LRRC8D: variants seen among roughly 807,000 people sequenced by gnomAD.
The protein encoded by LRRC8D is volume-regulated anion channel subunit LRRC8D.
In LRRC8D, 20 loss-of-function variants were observed where a neutral mutation model predicts 55.8. The observed-to-expected ratio is 0.36, with a 90% CI of 0.25 to 0.52. The LOEUF is 0.52. LRRC8D is among the 20% of genes least tolerant of loss of function. The pLI is 0.93. For missense variants in LRRC8D, 651 were observed against 1,030.8 expected, an observed-to-expected ratio of 0.63 and a Z score of 5.05; for synonymous variants, 352 against 377.0, an observed-to-expected ratio of 0.93 and a Z score of 0.77.
At chr1:89,868,360 G>C (rs1018273030) in intron 2 of LRRC8D, among the ~76,000 whole-genome samples, 1 of 152,078 alleles carries the variant, frequency 6.6e-6, no homozygotes, top group Non-Finnish European at 1.5e-5. Flanking sequence ...TGCGCAAACC[G>C]TCCCTGGGTT....
intron 1 of LRRC8D, among the ~76,000 whole-genome samples, chr1:89,838,214 G>T (rs1261252087): frequency 6.6e-6 from 1 of 151,360 alleles, no homozygotes; most frequent in African/African-American, 2.4e-5. Context: ...AAAAAAAGGG[G>T]GGAAAAAAGA....
chr1:89,847,821 T>C (rs1222895166), intron 2 of LRRC8D, among the ~76,000 whole-genome samples: 1 of 152,248 alleles, frequency 6.6e-6, no homozygotes, highest in Non-Finnish European at 1.5e-5. Flanking sequence ...TCATGAGAGT[T>C]ATTTAATATC....
intron 2 of LRRC8D, among the ~76,000 whole-genome samples, chr1:89,863,730 C>T (rs1661776727): frequency 6.6e-6 from 1 of 152,184 alleles, no homozygotes; most frequent in Non-Finnish European, 1.5e-5. Flanking sequence ...AAGCCTTGGT[C>T]TTTCATGTAT....
chr1:89,847,381 A>G (rs1349064649), intron 2 of LRRC8D, among the ~76,000 whole-genome samples: 1 of 152,182 alleles, frequency 6.6e-6, no homozygotes, highest in Non-Finnish European at 1.5e-5. Context: ...AGCAAAAGAG[A>G]GGAAATGAGA....
chr1:89,867,092 T>C (rs901101445), intron 2 of LRRC8D, among the ~76,000 whole-genome samples: 2 of 152,192 alleles, frequency 1.3e-5, no homozygotes, highest in Non-Finnish European at 2.9e-5. Flanking sequence ...TTTAGAATCA[T>C]GTGACCATTA....
At position 89,935,427 on chromosome 1, in the gene LRRC8D, A is replaced by C; in HGVS notation, c.2359A>C (p.Ile787Leu). ...LRTLNLGQNC[I>L]TSLPEKVGQL... The stretch of plus-strand genomic sequence containing the variant: ...GACTTTGAATCTGGGACAGAACTGC[A>C]TCACCTCACTCCCAGAGAAAGTTGG... The change falls in exon 3 of 3, where the codon ATC becomes CTC. Residue 787 changes from isoleucine to leucine, a missense_variant. Transcript: ENST00000337338. 1.2e-6 allele frequency: 2 copies of C among 1,614,244 alleles called. No individual in the cohort carries two copies. Among genetic ancestry groups the C allele is most frequent in the South Asian group, 1.1e-5 (1 of 91,092 alleles).
chr1:89,871,374 AAC>A (rs1156937167), intron 2 of LRRC8D, among the ~76,000 whole-genome samples: 12 of 152,300 alleles, frequency 7.9e-5, no homozygotes, highest in Admixed American at 2.0e-4. Context: ...ATTAATTGAA[AAC>A]ACACACAAGC....
chr1:89,898,497 T>C (rs193083719), intron 2 of LRRC8D, among the ~76,000 whole-genome samples: 1 of 152,194 alleles, frequency 6.6e-6, no homozygotes, highest in Non-Finnish European at 1.5e-5. Context: ...GTGGATCACA[T>C]AGCTAGTAAA....
intron 2 of LRRC8D, among the ~76,000 whole-genome samples, chr1:89,876,385 T>C (rs1251577260): frequency 6.6e-6 from 1 of 152,150 alleles, no homozygotes; most frequent in Admixed American, 6.5e-5. Context: ...TAAATCAGGC[T>C]TTGCAGATGG....
chr1:89,857,543 G>A (rs955548639), intron 2 of LRRC8D, among the ~76,000 whole-genome samples: 2 of 152,046 alleles, frequency 1.3e-5, no homozygotes, highest in Non-Finnish European at 2.9e-5. Flanking sequence ...GAAAGAAAGA[G>A]GTAAATCACA....
intron 1 of LRRC8D, among the ~76,000 whole-genome samples, chr1:89,840,508 C>T (rs1661108111): frequency 1.3e-5 from 2 of 152,202 alleles, no homozygotes; most frequent in African/African-American, 2.4e-5. Context: ...CCTTCCCCCA[C>T]AGCTGGCCAC....
chr1:89,883,490 G>A (rs1662335309), intron 2 of LRRC8D, among the ~76,000 whole-genome samples: 1 of 152,174 alleles, frequency 6.6e-6, no homozygotes, highest in African/African-American at 2.4e-5. Flanking sequence ...AAGGGAGGAG[G>A]AGATGAACAG....
At chr1:89,898,697 C>G (rs1662775367) in intron 2 of LRRC8D, among the ~76,000 whole-genome samples, 1 of 152,212 alleles carries the variant, frequency 6.6e-6, no homozygotes, top group Non-Finnish European at 1.5e-5. Context: ...GTACCTTAAA[C>G]ACAGATACAC....
At chr1:89,888,295 G>A (rs1422853256) in intron 2 of LRRC8D, among the ~76,000 whole-genome samples, 1 of 152,172 alleles carries the variant, frequency 6.6e-6, no homozygotes, top group Non-Finnish European at 1.5e-5. Context: ...TATTATATAT[G>A]TACACTGGAA....
At chr1:89,835,546 G>T (rs1660985069) in intron 1 of LRRC8D, among the ~76,000 whole-genome samples, 1 of 152,158 alleles carries the variant, frequency 6.6e-6, no homozygotes, top group South Asian at 2.1e-4. Flanking sequence ...GTTTCTTTTA[G>T]AAGGCAGAGG....
At chr1:89,883,148 G>A (rs35688470) in intron 2 of LRRC8D, among the ~76,000 whole-genome samples, 10,933 of 152,152 alleles carry the variant, frequency 0.072, 536 homozygotes, top group Middle Eastern at 0.12. Flanking sequence ...GCATGATCAC[G>A]CCTGTGAATA....
At chr1:89,875,356 T>C (rs1662120670) in intron 2 of LRRC8D, among the ~76,000 whole-genome samples, 1 of 152,238 alleles carries the variant, frequency 6.6e-6, no homozygotes, top group African/African-American at 2.4e-5. Flanking sequence ...CACTCATTCA[T>C]TTATTTTATA....
intron 2 of LRRC8D, among the ~76,000 whole-genome samples, chr1:89,929,639 T>G (rs140600624): frequency 1.2e-4 from 19 of 152,364 alleles, no homozygotes; most frequent in African/African-American, 4.6e-4. Flanking sequence ...TTCATGGGGA[T>G]ACCTTCTGAG....
intron 2 of LRRC8D, among the ~76,000 whole-genome samples, chr1:89,927,693 C>T (rs1663602558): frequency 6.6e-6 from 1 of 152,202 alleles, no homozygotes; most frequent in African/African-American, 2.4e-5. Flanking sequence ...AGCATCCCTA[C>T]CAGCACTTAG....
Sources: gnomAD v4.1 joint callset for allele counts (sites outside exome capture counted in the v4.1 genomes callset) on GRCh38, gnomAD v4.1.1 for gene constraint, MANE v1.5 for transcripts, NCBI Gene and HGNC (gene_info 2026-07-23, HGNC 2026-07-21) for gene names.